GMDS: variants seen among roughly 807,000 people sequenced by gnomAD.
GMDS encodes GDP-mannose 4,6 dehydratase.
A neutral mutation model predicts 49.9 loss-of-function variants in GMDS; 20 were observed. The observed-to-expected ratio is 0.40, with a 90% CI of 0.28 to 0.58. The LOEUF (loss-of-function observed/expected upper bound fraction) is 0.58, where lower values mean the gene tolerates loss of function less well. Ranked by LOEUF, GMDS falls within the 20% of genes least tolerant of loss-of-function variation. The pLI, the probability that GMDS is intolerant of heterozygous loss-of-function variation, is 0.42. For synonymous variants in GMDS, 177 were observed against 178.6 expected (o/e 0.99, Z 0.07); for missense variants, 362 against 481.4 (o/e 0.75, Z 2.32).
chr6:2,244,738 T>C (rs2127605014), intron 1 of GMDS, among the ~76,000 whole-genome samples: 1 of 152,214 alleles, frequency 6.6e-6, no homozygotes, highest in African/African-American at 2.4e-5. Flanking sequence ...GTTGGCGTGA[T>C]TTTAAAAAGT....
chr6:1,927,077 G>A (rs13206474), intron 7 of GMDS, among the ~76,000 whole-genome samples: 2 of 109,668 alleles, frequency 1.8e-5, no homozygotes, highest in East Asian at 2.6e-4. Flanking sequence ...AGAGGGTAGC[G>A]TGTTGGTGTA....
At chr6:1,711,993 C>A (rs1351256311) in intron 9 of GMDS, among the ~76,000 whole-genome samples, 1 of 152,196 alleles carries the variant, frequency 6.6e-6, no homozygotes, top group Non-Finnish European at 1.5e-5. Context: ...ACACCCAACA[C>A]TTCTCCTCTG....
intron 7 of GMDS, among the ~76,000 whole-genome samples, chr6:1,749,588 CA>C (rs3039696): frequency 0.53 from 78,304 of 147,798 alleles, 21,046 homozygotes; most frequent in African/African-American, 0.63. Flanking sequence ...GACTTTATCT[CA>C]AAAAAAAAAA....
At chr6:1,633,318 T>C (rs1236243572) in intron 9 of GMDS, among the ~76,000 whole-genome samples, 1 of 152,254 alleles carries the variant, frequency 6.6e-6, no homozygotes, top group Non-Finnish European at 1.5e-5. Context: ...GAAGATTTTG[T>C]ACTCTGCTGT....
intron 7 of GMDS, among the ~76,000 whole-genome samples, chr6:1,888,134 ATTTT>A (rs56167840): frequency 7.1e-6 from 1 of 140,476 alleles, no homozygotes; most frequent in Non-Finnish European, 1.5e-5. Flanking sequence ...TATTATTATT[ATTTT>A]TTTTTTTTTT....
intron 4 of GMDS, among the ~76,000 whole-genome samples, chr6:2,041,282 G>A (rs904933786): frequency 6.6e-6 from 1 of 152,226 alleles, no homozygotes; most frequent in Non-Finnish European, 1.5e-5. Flanking sequence ...GCCTAAGGCA[G>A]TACTTGTTAT....
intron 8 of GMDS, among the ~76,000 whole-genome samples, chr6:1,728,697 G>A (rs7746815): frequency 0.39 from 59,114 of 151,974 alleles, 12,984 homozygotes; most frequent in South Asian, 0.56. Context: ...TGTGAGTCAG[G>A]AGAGGACTGA....
intron 7 of GMDS, among the ~76,000 whole-genome samples, chr6:1,897,117 T>C (rs1489800468): frequency 1.3e-5 from 2 of 152,188 alleles, no homozygotes; most frequent in Non-Finnish European, 2.9e-5. Flanking sequence ...CTGTACCTGC[T>C]GCACCACAGA....
intron 7 of GMDS, among the ~76,000 whole-genome samples, chr6:1,927,403 T>C (rs1402749679): frequency 3.3e-5 from 5 of 152,230 alleles, no homozygotes; most frequent in Non-Finnish European, 7.3e-5. Context: ...ATTCAGAGGG[T>C]AGCGTGTTGC....
At chr6:1,646,900 A>G (rs903886530) in intron 9 of GMDS, among the ~76,000 whole-genome samples, 1 of 152,136 alleles carries the variant, frequency 6.6e-6, no homozygotes, top group African/African-American at 2.4e-5. Flanking sequence ...TGGGGAGGTT[A>G]GTTCAAAAGC....
intron 1 of GMDS, among the ~76,000 whole-genome samples, chr6:2,190,619 G>A (rs1778970198): frequency 6.6e-6 from 1 of 152,164 alleles, no homozygotes; most frequent in African/African-American, 2.4e-5. Flanking sequence ...CAGCGGCCAA[G>A]TTACCTCACC....
chr6:2,052,117 AAAAAAAAAAAAAAG>A (rs1252799667), intron 4 of GMDS, among the ~76,000 whole-genome samples: 1 of 128,232 alleles, frequency 7.8e-6, no homozygotes, highest in Non-Finnish European at 1.7e-5. Flanking sequence ...ACTCTGTCTC[AAAAAAAAAAAAAAG>A]AAAAAAAAAA....
intron 7 of GMDS, among the ~76,000 whole-genome samples, chr6:1,801,365 C>A (rs1769942846): frequency 6.6e-6 from 1 of 152,206 alleles, no homozygotes; most frequent in East Asian, 1.9e-4. Flanking sequence ...GTTATTCAAG[C>A]TGCCAATCCT....
At chr6:1,805,255 G>T (rs1770125840) in intron 7 of GMDS, among the ~76,000 whole-genome samples, 1 of 151,994 alleles carries the variant, frequency 6.6e-6, no homozygotes, top group Non-Finnish European at 1.5e-5. Context: ...TATTTTTCCT[G>T]GTAGTTATAT....
chr6:2,033,478 C>T (rs1394669527), intron 4 of GMDS, among the ~76,000 whole-genome samples: 1 of 152,190 alleles, frequency 6.6e-6, no homozygotes, highest in Non-Finnish European at 1.5e-5. Flanking sequence ...TAGGACAAAT[C>T]CTTCACTTTA....
At chr6:1,660,997 T>A (rs1764054028) in intron 9 of GMDS, among the ~76,000 whole-genome samples, 1 of 151,744 alleles carries the variant, frequency 6.6e-6, no homozygotes, top group African/African-American at 2.4e-5. Context: ...AGCAAGCAGT[T>A]TTCAATCCAT....
chr6:1,929,270 G>T (rs1762172493), intron 7 of GMDS, among the ~76,000 whole-genome samples: 1 of 152,134 alleles, frequency 6.6e-6, no homozygotes, highest in Non-Finnish European at 1.5e-5. Flanking sequence ...ACAGAAATAG[G>T]CTCATGAGCA....
intron 1 of GMDS, among the ~76,000 whole-genome samples, chr6:2,169,808 C>T (rs1424041210): frequency 3.3e-5 from 5 of 152,102 alleles, no homozygotes; most frequent in Admixed American, 2.6e-4. Flanking sequence ...AACACAGATC[C>T]AGAGAGAACT....
At chr6:1,665,344 C>A (rs1323021256) in intron 9 of GMDS, among the ~76,000 whole-genome samples, 1 of 152,138 alleles carries the variant, frequency 6.6e-6, no homozygotes, top group East Asian at 1.9e-4. Context: ...AATGGGCCAG[C>A]CTAAGAATCA....
Sources: gnomAD v4.1 joint callset for allele counts (sites outside exome capture counted in the v4.1 genomes callset) on GRCh38, gnomAD v4.1.1 for gene constraint, MANE v1.5 for transcripts, NCBI Gene and HGNC (gene_info 2026-07-23, HGNC 2026-07-21) for gene names.